The following SLC22A25 variants were observed in gnomAD, a reference collection of about 807,000 sequenced individuals.
The protein encoded by SLC22A25 is solute carrier family 22 member 25.
SLC22A25 carries 44 observed loss-of-function variants against 45.9 expected under a neutral mutation model. The observed-to-expected ratio is 0.96, with a 90% CI of 0.75 to 1.23. The LOEUF is 1.23. Ranked by LOEUF, SLC22A25 falls within the 50% of genes most tolerant of loss-of-function variation. SLC22A25 has a pLI of 0.00. For synonymous variants in SLC22A25, 283 were observed against 238.6 expected, an observed-to-expected ratio of 1.19 and a Z score of -1.72; for missense variants, 800 against 666.4, an observed-to-expected ratio of 1.20 and a Z score of -2.21.
chr11:63,220,226 G>C (rs2089822708), intron 5 of SLC22A25, among the ~76,000 whole-genome samples: 1 of 152,128 alleles, frequency 6.6e-6, no homozygotes, highest in African/African-American at 2.4e-5. Context: ...ACCTTGAAAT[G>C]TACCCTGCAG....
In SLC22A25 at chr11:63,197,982, C is replaced by G. The variant is rs573087486; in HGVS notation, c.831-14165G>C. On this transcript the variant is annotated intron_variant, in intron 7 of 11. Transcript: ENST00000306494. ...AAAAAACACATGAAAAAATGCTCAT[C>G]ATCACTGGCCATCAGAGAAATGCAA... Among the ~76,000 whole-genome samples, 6 of 152,296 alleles carry G rather than the reference C, an allele frequency of 3.9e-5. No individual in the cohort carries two copies. In the East Asian group the frequency reaches 1.2e-3, roughly 29 times the overall value.
chr11:63,183,869 T>C (rs768386768), intron 7 of SLC22A25, 52 bp from the exon 8 acceptor site: 27 of 1,608,922 alleles, frequency 1.7e-5, no homozygotes, highest in Non-Finnish European at 2.3e-5. Context: ...ACTCATTTTT[T>C]CACATAACAT....
chr11:63,197,319 C>T (rs7925760), intron 7 of SLC22A25, among the ~76,000 whole-genome samples: 2 of 151,888 alleles, frequency 1.3e-5, no homozygotes, highest in Non-Finnish European at 2.9e-5. Context: ...GCCAAAAGAA[C>T]AAAGCTGGAG....
chr11:63,235,210 G>A (rs940768240), intron 3 of SLC22A25, among the ~76,000 whole-genome samples: 1 of 152,206 alleles, frequency 6.6e-6, no homozygotes, highest in African/African-American at 2.4e-5. Context: ...GATTGGGGAA[G>A]TTCTCCTGGA....
rs1171741106 is a variant in SLC22A25, at chr11:63,163,912, C to G, written c.1556G>C (p.Arg519Thr). 3.7e-6 allele frequency: 6 copies of G among 1,613,772 alleles called. No individual in the cohort carries two copies. Among genetic ancestry groups the G allele is most frequent in the Non-Finnish European group, 1.7e-6 (2 of 1,179,924 alleles). ...GLVVLLLPETRNQPLLDSIQD... is the reference protein window; with the variant it reads ...GLVVLLLPETTNQPLLDSIQD... ...GATGCTGTCAAGAAGAGGCTGGTTC[C>G]TGGTTTCAGGAAGGAGGAGGACAAC... The change falls in exon 12 of 12, where the codon AGG becomes ACG. Residue 519 changes from arginine to threonine, a missense_variant. Coordinates refer to ENST00000306494, the MANE Select transcript of SLC22A25 (RefSeq NM_199352.6).
At chr11:63,165,552 C>G (rs1025145538) in intron 10 of SLC22A25, among the ~76,000 whole-genome samples, 1 of 152,158 alleles carries the variant, frequency 6.6e-6, no homozygotes, top group Non-Finnish European at 1.5e-5. Flanking sequence ...CAAGATGACT[C>G]CCCTAAACCA....
At chr11:63,179,917 G>A (rs1017517187) in intron 9 of SLC22A25, among the ~76,000 whole-genome samples, 3 of 152,146 alleles carry the variant, frequency 2.0e-5, no homozygotes, top group Non-Finnish European at 4.4e-5. Flanking sequence ...TCCTCACACA[G>A]TGTGTCCAAA....
intron 5 of SLC22A25, among the ~76,000 whole-genome samples, chr11:63,225,562 A>C (rs1286179366): frequency 2.0e-5 from 3 of 152,030 alleles, no homozygotes; most frequent in African/African-American, 4.8e-5. Context: ...AGGATTCTTT[A>C]TTTATCCTTG....
chr11:63,236,656 C>T (rs1274788631), intron 3 of SLC22A25, among the ~76,000 whole-genome samples: 2 of 151,912 alleles, frequency 1.3e-5, no homozygotes, highest in Non-Finnish European at 2.9e-5. Context: ...TGTCCTGCAC[C>T]CACTGTCCCG....
intron 5 of SLC22A25, 34 bp downstream of exon 5, chr11:63,228,427 C>T (rs2090004450): frequency 2.1e-6 from 3 of 1,450,182 alleles, no homozygotes; most frequent in Non-Finnish European, 2.9e-6. Flanking sequence ...GATGAAAATA[C>T]CCTTGAAGAG....
At chr11:63,195,384 C>T (rs769265245) in intron 7 of SLC22A25, among the ~76,000 whole-genome samples, 4 of 152,070 alleles carry the variant, frequency 2.6e-5, no homozygotes, top group Non-Finnish European at 5.9e-5. Context: ...TGTAAAAGAA[C>T]AGAAATCACA....
At chr11:63,191,883 A>G (rs1272901667) in intron 7 of SLC22A25, among the ~76,000 whole-genome samples, 1 of 152,198 alleles carries the variant, frequency 6.6e-6, no homozygotes, top group Non-Finnish European at 1.5e-5. Context: ...GAATGGAACC[A>G]ACTTGGAGAT....
At chr11:63,204,275 A>C (rs1308944760) in intron 7 of SLC22A25, among the ~76,000 whole-genome samples, 2 of 152,252 alleles carry the variant, frequency 1.3e-5, no homozygotes, top group Non-Finnish European at 2.9e-5. Flanking sequence ...ACCAGCTAGC[A>C]TCATAACGAC....
At chr11:63,209,273 G>A (rs1057353154) in intron 7 of SLC22A25, among the ~76,000 whole-genome samples, 81 of 152,054 alleles carry the variant, frequency 5.3e-4, no homozygotes, top group African/African-American at 1.5e-3. Context: ...TTAGTGGCTC[G>A]GGCACCCAAC....
At chr11:63,164,399 G>GC (rs1404262634) in intron 11 of SLC22A25, 127 bp downstream of exon 11, 5 of 872,300 alleles carry the variant, frequency 5.7e-6, no homozygotes, top group Non-Finnish European at 5.3e-6. Context: ...GTAATTTGTT[G>GC]TTTTTATGAC....
chr11:63,208,503 T>C (rs1035125701), intron 7 of SLC22A25, among the ~76,000 whole-genome samples: 1 of 152,086 alleles, frequency 6.6e-6, no homozygotes, highest in Admixed American at 6.6e-5. Context: ...CATGTAAACC[T>C]ACCCGGGACA....
At chr11:63,185,695 C>T (rs1399441226) in intron 7 of SLC22A25, among the ~76,000 whole-genome samples, 1 of 101,904 alleles carries the variant, frequency 9.8e-6, no homozygotes, top group Non-Finnish European at 1.9e-5. Flanking sequence ...CCTCCCCCCT[C>T]CCCCCACCCC....
At chr11:63,180,520 T>TAA in intron 9 of SLC22A25, 140 bp downstream of exon 9, 2 of 617,094 alleles carry the variant, frequency 3.2e-6, no homozygotes, top group Non-Finnish European at 5.5e-6. Context: ...TTACCACTTT[T>TAA]AAAAATAGCA....
intron 7 of SLC22A25, among the ~76,000 whole-genome samples, chr11:63,210,068 A>G (rs548699525): frequency 2.0e-5 from 3 of 152,230 alleles, no homozygotes; most frequent in Non-Finnish European, 2.9e-5. Context: ...ACAAAAGCCA[A>G]AGTGCATTCT....
Sources: allele counts gnomAD v4.1 joint callset (sites outside exome capture counted in the v4.1 genomes callset), GRCh38; gene constraint gnomAD v4.1.1; transcripts MANE v1.5; gene names NCBI Gene and HGNC (gene_info 2026-07-23, HGNC 2026-07-21).